The following STK3 variants were observed in gnomAD, a reference collection of about 807,000 sequenced individuals.
STK3 encodes serine/threonine-protein kinase 3.
In STK3, 41 loss-of-function variants were observed where a neutral mutation model predicts 58.0. The observed-to-expected ratio is 0.71, with a 90% CI of 0.55 to 0.92. The LOEUF (loss-of-function observed/expected upper bound fraction) is 0.92. STK3 is among the 40% of genes least tolerant of loss of function. STK3 has a pLI of 0.00. For synonymous variants in STK3, 170 were observed against 191.0 expected (o/e 0.89, Z 0.91); for missense variants, 479 against 602.7 (o/e 0.79, Z 2.15).
intron 10 of STK3, among the ~76,000 whole-genome samples, chr8:98,461,493 C>G (rs1489516245): frequency 2.0e-5 from 3 of 152,170 alleles, no homozygotes; most frequent in Non-Finnish European, 2.9e-5. Flanking sequence ...AACATTAATA[C>G]TGAAATGTGA....
chr8:98,905,381 C>G (rs970078547), intron 1 of STK3: 13 of 1,175,324 alleles, frequency 1.1e-5, no homozygotes, highest in South Asian at 3.7e-5. Context: ...ACTTCTCAAA[C>G]TTGGCTTGAA....
chr8:98,681,444 A>C (rs1823639848), intron 6 of STK3, among the ~76,000 whole-genome samples: 1 of 151,882 alleles, frequency 6.6e-6, no homozygotes, highest in African/African-American at 2.4e-5. Flanking sequence ...TGTAAAAAAA[A>C]ATAAAAATAT....
intron 6 of STK3, among the ~76,000 whole-genome samples, chr8:98,617,592 G>A (rs1247440864): frequency 1.3e-5 from 2 of 152,036 alleles, no homozygotes; most frequent in African/African-American, 4.8e-5. Flanking sequence ...AAAAAGAGAG[G>A]AAAATCAAAT....
chr8:98,361,756 G>C, the STK3 span, among the ~76,000 whole-genome samples: 1 of 152,184 alleles, frequency 6.6e-6, no homozygotes, highest in Non-Finnish European at 1.5e-5. Flanking sequence ...AGGCACACCA[G>C]CTTCTAGAAA....
chr8:98,731,494 A>C (rs1190610248), intron 4 of STK3, among the ~76,000 whole-genome samples: 1 of 151,984 alleles, frequency 6.6e-6, no homozygotes, highest in African/African-American at 2.4e-5. Flanking sequence ...CCGAGGTGGG[A>C]GGATCACGAG....
intron 6 of STK3, among the ~76,000 whole-genome samples, chr8:98,675,983 A>C (rs570151299): frequency 6.6e-6 from 1 of 152,368 alleles, no homozygotes; most frequent in African/African-American, 2.4e-5. Context: ...ATGCACAGAT[A>C]AACAAAATGA....
intron 2 of STK3, among the ~76,000 whole-genome samples, chr8:98,434,487 C>T (rs1818415324): frequency 1.3e-5 from 2 of 152,204 alleles, no homozygotes; most frequent in African/African-American, 4.8e-5. Flanking sequence ...GCATTTCCAC[C>T]CAAGGCCCTT....
At chr8:98,575,387 A>G (rs944379476) in intron 8 of STK3, among the ~76,000 whole-genome samples, 1 of 151,072 alleles carries the variant, frequency 6.6e-6, no homozygotes, top group Non-Finnish European at 1.5e-5. Flanking sequence ...CAAAAAATTA[A>G]CCATTTTAAA....
intron 6 of STK3, among the ~76,000 whole-genome samples, chr8:98,625,576 G>C (rs560742077): frequency 6.6e-6 from 1 of 152,038 alleles, no homozygotes; most frequent in South Asian, 2.1e-4. Flanking sequence ...AGTTTAACAA[G>C]GGAAAAGGCA....
intron 3 of STK3, among the ~76,000 whole-genome samples, chr8:98,875,021 C>T (rs916247873): frequency 2.0e-5 from 3 of 152,120 alleles, no homozygotes; most frequent in African/African-American, 7.2e-5. Context: ...GACAACTATC[C>T]ATTACCCAGT....
intron 2 of STK3, among the ~76,000 whole-genome samples, chr8:98,372,840 C>A (rs1304788343): frequency 1.3e-5 from 2 of 152,188 alleles, no homozygotes; most frequent in Non-Finnish European, 2.9e-5. Flanking sequence ...TTTGGGAAAG[C>A]GCTTGGTCTC....
chr8:98,778,555 A>C (rs1348772394), intron 1 of STK3, among the ~76,000 whole-genome samples: 1 of 152,250 alleles, frequency 6.6e-6, no homozygotes, highest in African/African-American at 2.4e-5. Context: ...ATTATAAATC[A>C]TGCTGCTATA....
Position 98,876,560 on chromosome 8 carries a change from AT to A in STK3, c.110+7086del, listed in dbSNP as rs965553697. Among the ~76,000 whole-genome samples, 12 of 152,282 alleles carry A rather than the reference AT, an allele frequency of 7.9e-5. No homozygotes were observed. The East Asian group carries it at 2.3e-3, about 29-fold the overall frequency. On this transcript the variant is annotated intron_variant, in intron 3 of 12. Coordinates refer to the STK3 transcript ENST00000523601. ...GCATAGGCAAGAGAGGCAGAGAGGC[AT>A]TTGTGTTGGGAAGGACCACAGGAAC...
At chr8:98,460,122 G>C (rs1396383852) in intron 10 of STK3, among the ~76,000 whole-genome samples, 1 of 152,208 alleles carries the variant, frequency 6.6e-6, no homozygotes, top group Admixed American at 6.5e-5. Flanking sequence ...TGAGAGGAGG[G>C]CTGTAACCTG....
At chr8:98,749,208 C>T in intron 4 of STK3, 68 bp downstream of exon 4, 2 of 1,206,154 alleles carry the variant, frequency 1.7e-6, no homozygotes, top group Non-Finnish European at 2.4e-6. Flanking sequence ...AACAAAATAC[C>T]AACTAGTCAG....
chr8:98,512,437 T>C (rs1360117265), intron 10 of STK3, among the ~76,000 whole-genome samples: 9 of 152,188 alleles, frequency 5.9e-5, no homozygotes. Context: ...AAGATAAGTA[T>C]AATTTTTGAA....
At chr8:98,622,640 A>T (rs1302931861) in intron 6 of STK3, among the ~76,000 whole-genome samples, 3 of 152,240 alleles carry the variant, frequency 2.0e-5, no homozygotes. Flanking sequence ...TTGGCAGAGA[A>T]TTCCCTACAA....
chr8:98,803,593 C>CAAAAAAAAAAAAAAAA (rs34316563), intron 1 of STK3, among the ~76,000 whole-genome samples: 19 of 38,778 alleles, frequency 4.9e-4, no homozygotes, highest in Non-Finnish European at 7.3e-4. Context: ...GACTCTGTTT[C>CAAAAAAAAAAAAAAAA]AAAAAAAAAA....
At chr8:98,517,223 GT>G (rs1354762752) in intron 10 of STK3, among the ~76,000 whole-genome samples, 1 of 151,974 alleles carries the variant, frequency 6.6e-6, no homozygotes, top group Non-Finnish European at 1.5e-5. Context: ...CTGGAAAGGT[GT>G]TTCAACAACT....
Sources: allele counts gnomAD v4.1 joint callset (sites outside exome capture counted in the v4.1 genomes callset), GRCh38; gene constraint gnomAD v4.1.1; transcripts MANE v1.5; gene names NCBI Gene and HGNC (gene_info 2026-07-23, HGNC 2026-07-21).